KDM4B: variants seen among roughly 807,000 people sequenced by gnomAD.
KDM4B encodes lysine-specific demethylase 4B.
A neutral mutation model predicts 125.2 loss-of-function variants in KDM4B; 32 were observed. The ratio of observed to expected loss-of-function variants is 0.26; its 90% CI spans 0.19 to 0.34. KDM4B has a LOEUF of 0.34. Ranked by LOEUF, KDM4B falls within the 10% of genes least tolerant of loss-of-function variation. The pLI, the probability that KDM4B is intolerant of heterozygous loss-of-function variation, is 1.00. For missense variants in KDM4B, 1,190 were observed against 1,577.7 expected (o/e 0.75, Z 4.16); for synonymous variants, 721 against 677.9 (o/e 1.06, Z -0.99).
At chr19:5,136,862 T>TC (rs2039657425) in intron 15 of KDM4B, among the ~76,000 whole-genome samples, 1 of 152,132 alleles carries the variant, frequency 6.6e-6, no homozygotes, top group African/African-American at 2.4e-5. Flanking sequence ...CAGGGCCACA[T>TC]CCCACAGTGA....
At chr19:5,001,094 TA>T (rs1469304676) in intron 1 of KDM4B, among the ~76,000 whole-genome samples, 2 of 151,748 alleles carry the variant, frequency 1.3e-5, no homozygotes, top group African/African-American at 4.8e-5. Flanking sequence ...TGCAGTGGTG[TA>T]ATCACAGCTC....
chr19:5,021,405 G>A (rs1381850013), intron 2 of KDM4B, among the ~76,000 whole-genome samples: 1 of 152,124 alleles, frequency 6.6e-6, no homozygotes, highest in African/African-American at 2.4e-5. Context: ...ACCAGCCTGG[G>A]CAGCATGGTG....
chr19:5,059,084 C>T (rs116963956), intron 6 of KDM4B, among the ~76,000 whole-genome samples: 1 of 152,176 alleles, frequency 6.6e-6, no homozygotes, highest in African/African-American at 2.4e-5. Flanking sequence ...CAGAGTCGCC[C>T]GCCCACCCAG....
intron 6 of KDM4B, among the ~76,000 whole-genome samples, chr19:5,057,581 C>A (rs1161963807): frequency 6.6e-6 from 1 of 152,212 alleles, no homozygotes; most frequent in Admixed American, 6.5e-5. Context: ...TTATGATGTT[C>A]CGTTCCTCAT....
At chr19:5,060,267 C>T (rs1441555534) in intron 6 of KDM4B, among the ~76,000 whole-genome samples, 4 of 151,852 alleles carry the variant, frequency 2.6e-5, no homozygotes, top group Non-Finnish European at 5.9e-5. Context: ...GGTGAAACCC[C>T]GTCTCTATTA....
intron 1 of KDM4B, among the ~76,000 whole-genome samples, chr19:4,999,861 C>G (rs2035318612): frequency 7.1e-6 from 1 of 139,902 alleles, no homozygotes; most frequent in East Asian, 2.4e-4. Flanking sequence ...ATCTATCCAT[C>G]CATCCATCCA....
intron 1 of KDM4B, among the ~76,000 whole-genome samples, chr19:5,006,015 G>A (rs2035546015): frequency 1.3e-5 from 2 of 152,142 alleles, no homozygotes; most frequent in East Asian, 1.9e-4. Flanking sequence ...GGGGGCTGTG[G>A]GGGTCCTGGG....
chr19:5,128,874 A>G (rs2039495581), intron 11 of KDM4B, among the ~76,000 whole-genome samples: 1 of 142,666 alleles, frequency 7.0e-6, no homozygotes, highest in African/African-American at 2.6e-5. Flanking sequence ...GGGGGGGGTC[A>G]TATAACAGCG....
chr19:5,036,119 G>C (rs1412996296), intron 3 of KDM4B, among the ~76,000 whole-genome samples: 1 of 152,194 alleles, frequency 6.6e-6, no homozygotes, highest in Non-Finnish European at 1.5e-5. Context: ...CTTTGGAGAA[G>C]GAGCACAGTG....
chr19:4,991,250 A>AC (rs1170567417), intron 1 of KDM4B, among the ~76,000 whole-genome samples: 2 of 151,282 alleles, frequency 1.3e-5, no homozygotes, highest in Non-Finnish European at 3.0e-5. Context: ...ACCCATGGCA[A>AC]CCCCCCCTGC....
At position 5,040,506 on chromosome 19, in the gene KDM4B, T is replaced by C. The variant is rs540340790; in HGVS notation, c.317+495T>C. Among the ~76,000 whole-genome samples, 13 of 152,244 alleles carry C rather than the reference T, an allele frequency of 8.5e-5. No individual in the cohort carries two copies. In the South Asian group the frequency reaches 1.2e-3, roughly 15 times the overall value. ...TTCTACACAGGGACACACAGGCTCATGCACAGGTACACAGGCACATCCATG... is the reference window on the plus strand; with the variant it reads ...TTCTACACAGGGACACACAGGCTCACGCACAGGTACACAGGCACATCCATG... On this transcript the variant is annotated intron_variant, in intron 4 of 22. Transcript: ENST00000159111.
intron 11 of KDM4B, among the ~76,000 whole-genome samples, chr19:5,120,615 A>G (rs1181578639): frequency 2.0e-5 from 3 of 152,030 alleles, no homozygotes; most frequent in African/African-American, 7.2e-5. Flanking sequence ...TGGCTGTGGA[A>G]CTCCCACCTG....
intron 11 of KDM4B, among the ~76,000 whole-genome samples, chr19:5,127,566 G>C (rs1021020234): frequency 2.0e-5 from 3 of 152,180 alleles, no homozygotes; most frequent in African/African-American, 7.2e-5. Context: ...CTCCAGACAG[G>C]GGATGGGGTG....
In KDM4B at chr19:5,152,356, C is replaced by CT. The variant is rs965005780; in HGVS notation, c.*846dup. ...GAATAAACTCTCTCCTGGGGTTTGTCTATCTTTGTTTCTCTCACCTGAGAG... is the reference window on the plus strand; with the variant it reads ...GAATAAACTCTCTCCTGGGGTTTGTCTTATCTTTGTTTCTCTCACCTGAGAG... On this transcript the variant is annotated 3_prime_UTR_variant, in exon 23 of 23. Coordinates refer to ENST00000159111, the MANE Select transcript of KDM4B (RefSeq NM_015015.3). The CT allele has an allele frequency of 6.6e-6, 1 of 152,268 alleles. No homozygotes were observed. Among genetic ancestry groups the CT allele is most frequent in the Non-Finnish European group, 1.5e-5 (1 of 68,058 alleles). The allele number at this position is 152,268 out of a possible 1,614,324, so 9.4% of individuals were successfully genotyped here.
At chr19:5,101,330 C>G (rs144678074) in intron 9 of KDM4B, among the ~76,000 whole-genome samples, 1 of 149,312 alleles carries the variant, frequency 6.7e-6, no homozygotes, top group African/African-American at 2.5e-5. Context: ...AGGCCCATCT[C>G]TCTGATGCTT....
At chr19:5,144,498 G>A in intron 20 of KDM4B, 86 bp downstream of exon 20, 2 of 1,150,598 alleles carry the variant, frequency 1.7e-6, no homozygotes, top group Non-Finnish European at 1.2e-6. Context: ...GTGAGCTGTG[G>A]GGGTGGGCGG....
At chr19:5,034,113 G>A (rs1364618460) in intron 3 of KDM4B, among the ~76,000 whole-genome samples, 1 of 152,216 alleles carries the variant, frequency 6.6e-6, no homozygotes, top group African/African-American at 2.4e-5. Flanking sequence ...CAGCCTGGAC[G>A]ACAGAGGAAG....
chr19:5,099,349 G>T (rs574878794), intron 9 of KDM4B, among the ~76,000 whole-genome samples: 1 of 152,302 alleles, frequency 6.6e-6, no homozygotes, highest in Non-Finnish European at 1.5e-5. Context: ...GTGGATCCCT[G>T]CACCATCACC....
intron 21 of KDM4B, among the ~76,000 whole-genome samples, chr19:5,147,710 T>G: frequency 8.0e-6 from 1 of 125,704 alleles, no homozygotes; most frequent in African/African-American, 3.2e-5. Flanking sequence ...GCCACTGCAC[T>G]CCAACCCGGG....
Sources: allele counts gnomAD v4.1 joint callset (sites outside exome capture counted in the v4.1 genomes callset), GRCh38; gene constraint gnomAD v4.1.1; transcripts MANE v1.5; gene names NCBI Gene and HGNC (gene_info 2026-07-23, HGNC 2026-07-21).